The following THSD4 variants were observed in gnomAD, a reference collection of about 807,000 sequenced individuals.
THSD4 encodes thrombospondin type-1 domain-containing protein 4.
A neutral mutation model predicts 119.0 loss-of-function variants in THSD4; 69 were observed. The ratio of observed to expected loss-of-function variants is 0.58; its 90% CI spans 0.48 to 0.71. The LOEUF (loss-of-function observed/expected upper bound fraction) is 0.71. Among genes scored for constraint, THSD4 ranks in the 30% least tolerant of loss-of-function variants. The pLI, the probability that THSD4 is intolerant of heterozygous loss-of-function variation, is 0.00. For synonymous variants in THSD4, 524 were observed against 540.4 expected (o/e 0.97, Z 0.42); for missense variants, 1,393 against 1,391.1 (o/e 1.00, Z -0.02).
At chr15:71,637,403 A>C (rs1333818512) in intron 7 of THSD4, among the ~76,000 whole-genome samples, 1 of 152,182 alleles carries the variant, frequency 6.6e-6, no homozygotes, top group Non-Finnish European at 1.5e-5. Context: ...AAAGGAAAGA[A>C]AAAAAGGGAA....
intron 6 of THSD4, among the ~76,000 whole-genome samples, chr15:71,378,730 A>G (rs1406875523): frequency 6.6e-6 from 1 of 152,182 alleles, no homozygotes; most frequent in East Asian, 1.9e-4. Context: ...GTCACTGCTT[A>G]ATAAACCTAA....
At chr15:71,678,302 G>A (rs1430192712) in intron 8 of THSD4, among the ~76,000 whole-genome samples, 1 of 152,204 alleles carries the variant, frequency 6.6e-6, no homozygotes, top group African/African-American at 2.4e-5. Flanking sequence ...TTGACTTAAT[G>A]AAAGAGAAGT....
intron 8 of THSD4, 147 bp from the exon 9 acceptor site, chr15:71,728,402 C>T (rs2052905552): frequency 4.3e-6 from 4 of 919,954 alleles, no homozygotes; most frequent in Non-Finnish European, 6.5e-6. Context: ...TGCCTAATGG[C>T]GCCCCAGGGC....
At chr15:71,568,755 A>C (rs1023144998) in intron 7 of THSD4, among the ~76,000 whole-genome samples, 1 of 151,810 alleles carries the variant, frequency 6.6e-6, no homozygotes, top group Admixed American at 6.6e-5. Context: ...CCGACCCCAC[A>C]ACAGGTCCCG....
intron 17 of THSD4, among the ~76,000 whole-genome samples, chr15:71,774,305 T>A (rs1363791552): frequency 1.2e-5 from 1 of 86,360 alleles, no homozygotes; most frequent in Non-Finnish European, 2.4e-5. Flanking sequence ...AGTGAGACTC[T>A]GTCTCAAAAA....
chr15:71,748,340 A>G, intron 13 of THSD4, 81 bp from the exon 14 acceptor site: 2 of 1,547,632 alleles, frequency 1.3e-6, no homozygotes, highest in Non-Finnish European at 1.8e-6. Context: ...GCTGATCACA[A>G]AGGCTGCGGG....
intron 7 of THSD4, among the ~76,000 whole-genome samples, chr15:71,543,977 G>A (rs987284920): frequency 3.9e-5 from 6 of 152,150 alleles, no homozygotes; most frequent in African/African-American, 1.4e-4. Context: ...GCAATGAGCT[G>A]AGGTTGCACC....
At chr15:71,629,260 G>A (rs528449454) in intron 7 of THSD4, among the ~76,000 whole-genome samples, 4 of 152,270 alleles carry the variant, frequency 2.6e-5, no homozygotes, top group South Asian at 4.1e-4. Context: ...GCTGAAGCTG[G>A]ACAACTGACA....
At chr15:71,154,231 G>C (rs947581063) in intron 2 of THSD4, among the ~76,000 whole-genome samples, 15 of 152,206 alleles carry the variant, frequency 9.9e-5, no homozygotes, top group African/African-American at 3.6e-4. Flanking sequence ...ACACCCTGCT[G>C]TCTCAGCCGG....
intron 1 of THSD4, among the ~76,000 whole-genome samples, chr15:71,119,777 G>A (rs997182379): frequency 6.6e-6 from 1 of 152,202 alleles, no homozygotes; most frequent in African/African-American, 2.4e-5. Context: ...CTCCCTGCAG[G>A]CACGGTGAGT....
At chr15:71,328,168 CT>C (rs2045371319) in intron 6 of THSD4, among the ~76,000 whole-genome samples, 1 of 152,172 alleles carries the variant, frequency 6.6e-6, no homozygotes, top group African/African-American at 2.4e-5. Flanking sequence ...TATTTTCGTG[CT>C]TCTTGTTTTT....
rs148130383 is a variant in THSD4, at chr15:71,350,732, A to G, written c.1016-60955A>G. On this transcript the variant is annotated intron_variant, in intron 6 of 17. Transcript: ENST00000261862. ...GGTGCAGGGATGAGGAGGGGAGGTG[A>G]GCTGAGGCCTTGGGGGAGGGCACAT... 2.1e-3 allele frequency among the ~76,000 whole-genome samples: 317 copies of G among 152,188 alleles called. 4 individuals are homozygous for G. Among genetic ancestry groups the G allele is most frequent in the African/African-American group, 7.2e-3 (300 of 41,542 alleles).
chr15:71,550,951 A>G (rs543007317), intron 7 of THSD4, among the ~76,000 whole-genome samples: 2 of 152,318 alleles, frequency 1.3e-5, no homozygotes, highest in Non-Finnish European at 2.9e-5. Flanking sequence ...AGTTTTTTAC[A>G]TTAAAAATAA....
chr15:71,244,836 A>G (rs1443052151), intron 5 of THSD4, among the ~76,000 whole-genome samples: 1 of 152,216 alleles, frequency 6.6e-6, no homozygotes, highest in Non-Finnish European at 1.5e-5. Flanking sequence ...AATATACAAC[A>G]TATTCTCCCA....
chr15:71,625,459 AG>A, intron 7 of THSD4, among the ~76,000 whole-genome samples: 1 of 152,348 alleles, frequency 6.6e-6, no homozygotes, highest in South Asian at 2.1e-4. Flanking sequence ...GAAATGAGAA[AG>A]AAGGTGAGGA....
chr15:71,154,890 A>T lies in THSD4; in HGVS notation c.57A>T (p.Gly19=). Residue 19 remains glycine, a synonymous_variant, in exon 3 of 18, where the codon GGA becomes GGT. Coordinates refer to ENST00000261862, the MANE Select transcript of THSD4 (RefSeq NM_024817.3). ...LSVLCFLLLL[G]FQFVCPQPST... is the part of the protein sequence containing the mutation. ...TCCTGTGTTTCCTTCTGCTGCTTGGATTCCAGTTCGTCTGCCCACAGCCCT... is the reference window on the plus strand; with the variant it reads ...TCCTGTGTTTCCTTCTGCTGCTTGGTTTCCAGTTCGTCTGCCCACAGCCCT... 5 of 1,613,944 alleles carry T rather than the reference A, an allele frequency of 3.1e-6. No individual in the cohort carries two copies. Among genetic ancestry groups the T allele is most frequent in the Non-Finnish European group, 4.2e-6 (5 of 1,180,000 alleles).
intron 6 of THSD4, among the ~76,000 whole-genome samples, chr15:71,281,247 C>T (rs895968768): frequency 6.6e-6 from 1 of 152,234 alleles, no homozygotes; most frequent in Non-Finnish European, 1.5e-5. Flanking sequence ...TTGTTCTGCG[C>T]ATTCATGCAT....
chr15:71,356,232 C>T (rs1367886284), intron 6 of THSD4, among the ~76,000 whole-genome samples: 1 of 152,116 alleles, frequency 6.6e-6, no homozygotes, highest in Non-Finnish European at 1.5e-5. Flanking sequence ...TTAGTTTATT[C>T]TCCCACTGAG....
intron 7 of THSD4, among the ~76,000 whole-genome samples, chr15:71,583,573 C>T (rs972182943): frequency 5.3e-5 from 7 of 131,134 alleles, no homozygotes; most frequent in East Asian, 2.1e-4. Context: ...GCTTTTGCTG[C>T]GTCTCTTATA....
Sources: allele counts gnomAD v4.1 joint callset (sites outside exome capture counted in the v4.1 genomes callset), GRCh38; gene constraint gnomAD v4.1.1; transcripts MANE v1.5; gene names NCBI Gene and HGNC (gene_info 2026-07-23, HGNC 2026-07-21).